Variants in LARGE1 observed in about 807,000 individuals in gnomAD.
LARGE1 encodes LARGE xylosyl- and glucuronyltransferase 1, also known as xylosyl- and glucuronyltransferase LARGE1.
In LARGE1, 43 loss-of-function variants were observed where a neutral mutation model predicts 87.6. The observed-to-expected ratio is 0.49, with a 90% CI of 0.38 to 0.63. The LOEUF is 0.63. LARGE1 is among the 30% of genes least tolerant of loss of function. The pLI, the probability that LARGE1 is intolerant of heterozygous loss-of-function variation, is 0.00. For synonymous variants in LARGE1, 434 were observed against 394.6 expected (o/e 1.10, Z -1.18); for missense variants, 802 against 1,000.2 (o/e 0.80, Z 2.67).
intron 6 of LARGE1, among the ~76,000 whole-genome samples, chr22:33,478,477 T>C (rs796500174): frequency 2.8e-4 from 43 of 152,320 alleles, no homozygotes; most frequent in African/African-American, 9.4e-4. Flanking sequence ...ATAATGGCCA[T>C]GAGAGAACTT....
At chr22:33,220,021 T>A (rs1925383467) in intron 11 of LARGE1, among the ~76,000 whole-genome samples, 1 of 152,200 alleles carries the variant, frequency 6.6e-6, no homozygotes, top group Admixed American at 6.5e-5. Flanking sequence ...CTAACCTTGA[T>A]TTTTGTTGTA....
At chr22:33,337,192 A>C (rs1015967976) in intron 10 of LARGE1, among the ~76,000 whole-genome samples, 3 of 152,152 alleles carry the variant, frequency 2.0e-5, no homozygotes, top group Non-Finnish European at 2.9e-5. Context: ...CTTAGTACCT[A>C]CCTAACACTG....
chr22:33,468,718 C>T, intron 6 of LARGE1, among the ~76,000 whole-genome samples: 1 of 152,134 alleles, frequency 6.6e-6, no homozygotes. Flanking sequence ...GTTTAAGCTA[C>T]TTGTCCTAGG....
intron 4 of LARGE1, among the ~76,000 whole-genome samples, chr22:33,620,909 C>A (rs756646541): frequency 7.1e-5 from 10 of 141,426 alleles, no homozygotes; most frequent in Non-Finnish European, 1.4e-4. Flanking sequence ...GCCTGGATGA[C>A]AGGACAAGAA....
intron 4 of LARGE1, among the ~76,000 whole-genome samples, chr22:33,623,282 G>A (rs1214679406): frequency 6.6e-6 from 1 of 152,042 alleles, no homozygotes; most frequent in Non-Finnish European, 1.5e-5. Flanking sequence ...GAAGGCCGTA[G>A]TACTGAAAGG....
At chr22:33,514,332 G>A (rs1179870922) in intron 6 of LARGE1, among the ~76,000 whole-genome samples, 4 of 152,022 alleles carry the variant, frequency 2.6e-5, no homozygotes, top group Admixed American at 2.6e-4. Flanking sequence ...GCCTGCATAT[G>A]TGTGTATATA....
At chr22:33,216,608 AAAAAG>A (rs1186352063) in intron 11 of LARGE1, among the ~76,000 whole-genome samples, 2 of 150,202 alleles carry the variant, frequency 1.3e-5, no homozygotes, top group South Asian at 2.1e-4. Flanking sequence ...AAAAAAAAAA[AAAAAG>A]AAAAGAAAAG....
chr22:33,447,611 T>C (rs9607047), intron 6 of LARGE1, among the ~76,000 whole-genome samples: 36,503 of 152,206 alleles, frequency 0.24, 5,691 homozygotes, highest in Non-Finnish European at 0.34. Flanking sequence ...CTTTGGCTTG[T>C]GTTAGGAGCC....
chr22:33,096,571 T>TG, the LARGE1 span, among the ~76,000 whole-genome samples: 296 of 107,016 alleles, frequency 2.8e-3, no homozygotes, highest in Non-Finnish European at 4.1e-3. Flanking sequence ...TTTTTGTTTT[T>TG]TTTTTTTTTT....
At chr22:33,837,253 CAT>C (rs938999614) in intron 1 of LARGE1, among the ~76,000 whole-genome samples, 33 of 86,906 alleles carry the variant, frequency 3.8e-4, no homozygotes, top group Admixed American at 1.6e-3. Flanking sequence ...GAGAGTATTA[CAT>C]ATACACACAC....
chr22:33,069,881 G>T, the LARGE1 span, among the ~76,000 whole-genome samples: 1 of 148,348 alleles, frequency 6.7e-6, no homozygotes, highest in Non-Finnish European at 1.5e-5. Context: ...GCAATGGCGC[G>T]TTCTTGGCTC....
At position 33,857,920 on chromosome 22, in the gene LARGE1, G is replaced by A. The variant is rs531706833; in HGVS notation, c.-83+62075C>T. 1.6e-4 allele frequency among the ~76,000 whole-genome samples: 24 copies of A among 152,246 alleles called. 1 individual carries two copies. Among genetic ancestry groups the A allele is most frequent in the Admixed American group, 9.2e-4 (14 of 15,296 alleles). ...GGTTCCTTGCTCCCAAGTTGGAACCGGGAGTTCCAACTCCCAAGATCGTGG... is the reference window on the plus strand; with the variant it reads ...GGTTCCTTGCTCCCAAGTTGGAACCAGGAGTTCCAACTCCCAAGATCGTGG... On this transcript the variant is annotated intron_variant, in intron 1 of 14. Coordinates refer to ENST00000397394, the MANE Select transcript of LARGE1 (RefSeq NM_133642.5).
chr22:33,760,923 A>T (rs1176830626), intron 2 of LARGE1, among the ~76,000 whole-genome samples: 9 of 152,150 alleles, frequency 5.9e-5, no homozygotes, highest in African/African-American at 1.7e-4. Flanking sequence ...CGTCTCAAAA[A>T]AACCAAACCA....
chr22:33,318,234 C>CAAA (rs10635054), intron 10 of LARGE1, among the ~76,000 whole-genome samples: 6,058 of 113,972 alleles, frequency 0.053, 258 homozygotes, highest in African/African-American at 0.15. Flanking sequence ...GACTCCATCT[C>CAAA]AAAAAAAAAA....
chr22:33,856,241 T>C (rs975049216), intron 1 of LARGE1, among the ~76,000 whole-genome samples: 1 of 152,156 alleles, frequency 6.6e-6, no homozygotes, highest in African/African-American at 2.4e-5. Context: ...CAGGGGGCCA[T>C]GCTCCTCTGG....
At chr22:33,921,223 C>A (rs1004619042), upstream of LARGE1, among the ~76,000 whole-genome samples, 4 of 152,130 alleles carry the variant, frequency 2.6e-5, no homozygotes, top group Non-Finnish European at 5.9e-5. The surrounding 1 kb of genome is among the most constrained non-coding windows in gnomAD (Gnocchi z 4.1). Flanking sequence ...TTCTTCAGCT[C>A]GCTGGCTGGC....
intron 1 of LARGE1, among the ~76,000 whole-genome samples, chr22:33,882,331 A>G (rs2064720637): frequency 6.6e-6 from 1 of 152,130 alleles, no homozygotes; most frequent in Non-Finnish European, 1.5e-5. Flanking sequence ...CACCCGGCCA[A>G]TTCTCTTTGC....
At chr22:33,128,242 C>T in the LARGE1 span, among the ~76,000 whole-genome samples, 1 of 152,166 alleles carries the variant, frequency 6.6e-6, no homozygotes, top group Non-Finnish European at 1.5e-5. Flanking sequence ...ACAGCAATCC[C>T]ATTGCTGGGT....
downstream of LARGE1, among the ~76,000 whole-genome samples, chr22:33,159,884 G>T (rs552543730): frequency 6.6e-6 from 1 of 150,424 alleles, no homozygotes; most frequent in Non-Finnish European, 1.5e-5. Flanking sequence ...ACCATGCCTG[G>T]CAATCAATTT....
Sources: gnomAD v4.1 joint callset for allele counts (sites outside exome capture counted in the v4.1 genomes callset) on GRCh38, gnomAD v4.1.1 for gene constraint, Gnocchi (gnomAD v3.1) non-coding constraint, MANE v1.5 for transcripts, NCBI Gene and HGNC (gene_info 2026-07-23, HGNC 2026-07-21) for gene names.